Variants in PRKD1 observed in about 807,000 individuals in gnomAD.
PRKD1 encodes serine/threonine-protein kinase D1.
PRKD1 carries 63 observed loss-of-function variants against 95.9 expected under a neutral mutation model. That is an observed-to-expected ratio of 0.66 (90% confidence interval 0.54 to 0.81). PRKD1 has a LOEUF of 0.81. Ranked by LOEUF, PRKD1 falls within the 30% of genes least tolerant of loss-of-function variation. The pLI is 0.00. For missense variants in PRKD1, 1,048 were observed against 1,165.3 expected, an observed-to-expected ratio of 0.90 and a Z score of 1.47; for synonymous variants, 425 against 423.1, an observed-to-expected ratio of 1.00 and a Z score of -0.05.
At chr14:29,857,456 G>T (rs562717923) in intron 1 of PRKD1, among the ~76,000 whole-genome samples, 3 of 152,232 alleles carry the variant, frequency 2.0e-5, no homozygotes, top group Non-Finnish European at 4.4e-5. Flanking sequence ...GAAAGGAATT[G>T]TTGGCCTTCC....
intron 2 of PRKD1, among the ~76,000 whole-genome samples, chr14:29,687,172 T>TA (rs1477732644): frequency 6.6e-6 from 1 of 152,148 alleles, no homozygotes; most frequent in Admixed American, 6.6e-5. Context: ...ACAGAGAACT[T>TA]GCATAGTATT....
chr14:29,578,968 T>C (rs1043748195), intron 16 of PRKD1, among the ~76,000 whole-genome samples: 3 of 152,040 alleles, frequency 2.0e-5, no homozygotes, highest in African/African-American at 7.2e-5. Context: ...AACCAATGTA[T>C]TGGAATTATA....
At chr14:29,874,419 T>G (rs1019210567) in intron 1 of PRKD1, among the ~76,000 whole-genome samples, 1 of 152,148 alleles carries the variant, frequency 6.6e-6, no homozygotes, top group African/African-American at 2.4e-5. Context: ...AGTATGAAGA[T>G]TCCTTCTAAA....
rs571105556 is a variant in PRKD1, at chr14:29,716,332, T to C, written c.403+9204A>G. 1.5e-3 allele frequency among the ~76,000 whole-genome samples: 225 copies of C among 152,300 alleles called. 1 individual carries two copies. The highest frequency in any genetic ancestry group is 4.8e-3 in the African/African-American group (201 of 41,584). Reference sequence around the variant, plus strand: ...CCTTCCATGAAAACCACGGTATGTATTGCTGACAGAGATCTATGGAGATTT... The same window carrying C: ...CCTTCCATGAAAACCACGGTATGTACTGCTGACAGAGATCTATGGAGATTT... On this transcript the variant is annotated intron_variant, in intron 2 of 17. Transcript: ENST00000331968.
intron 1 of PRKD1, among the ~76,000 whole-genome samples, chr14:29,919,234 A>G (rs1467198073): frequency 6.6e-6 from 1 of 152,242 alleles, no homozygotes; most frequent in Non-Finnish European, 1.5e-5. Context: ...AAGCTACTAT[A>G]TCAATTGTCT....
At chr14:29,912,284 C>T (rs570925176) in intron 1 of PRKD1, among the ~76,000 whole-genome samples, 72 of 151,744 alleles carry the variant, frequency 4.7e-4, no homozygotes, top group African/African-American at 1.6e-3. Context: ...TAGCCTACCA[C>T]GAAGTGTTAT....
chr14:29,839,437 C>G (rs934560905), intron 1 of PRKD1, among the ~76,000 whole-genome samples: 4 of 152,166 alleles, frequency 2.6e-5, no homozygotes, highest in Non-Finnish European at 5.9e-5. Flanking sequence ...TCTGTCAAAG[C>G]AAAAGCAGAC....
At chr14:29,798,246 A>G (rs1267451193) in intron 1 of PRKD1, among the ~76,000 whole-genome samples, 4 of 152,198 alleles carry the variant, frequency 2.6e-5, no homozygotes. Context: ...TGACAGCAAT[A>G]TGCAGTTCCA....
intron 7 of PRKD1, among the ~76,000 whole-genome samples, chr14:29,634,763 G>A (rs956348985): frequency 1.3e-5 from 2 of 152,150 alleles, no homozygotes; most frequent in African/African-American, 4.8e-5. Context: ...GCCGGGTGCA[G>A]TGACTCACAT....
chr14:29,852,416 G>T (rs982366897), intron 1 of PRKD1, among the ~76,000 whole-genome samples: 1 of 151,986 alleles, frequency 6.6e-6, no homozygotes, highest in Non-Finnish European at 1.5e-5. Flanking sequence ...TAGAACACTG[G>T]AAATATCTAT....
intron 1 of PRKD1, among the ~76,000 whole-genome samples, chr14:29,777,007 A>G (rs1159155585): frequency 2.0e-5 from 3 of 152,232 alleles, no homozygotes; most frequent in Non-Finnish European, 4.4e-5. Flanking sequence ...CTTAAAGAAA[A>G]GAATTTTCAA....
At chr14:29,919,731 A>C (rs1367465468) in intron 1 of PRKD1, among the ~76,000 whole-genome samples, 1 of 145,662 alleles carries the variant, frequency 6.9e-6, no homozygotes, top group Non-Finnish European at 1.5e-5. Context: ...GGAAGGCCGA[A>C]GCAGGTGGGT....
intron 2 of PRKD1, among the ~76,000 whole-genome samples, chr14:29,706,121 C>G (rs1338783158): frequency 6.6e-6 from 1 of 152,038 alleles, no homozygotes; most frequent in Non-Finnish European, 1.5e-5. Flanking sequence ...TGTCTGTCTA[C>G]TTGATTATAG....
In PRKD1 at chr14:29,715,425, T is replaced by TA. The variant is rs539729393; in HGVS notation, c.403+10110dup. On this transcript the variant is annotated intron_variant, in intron 2 of 17. Coordinates refer to ENST00000331968, the MANE Select transcript of PRKD1 (RefSeq NM_002742.3). The stretch of plus-strand genomic sequence containing the variant: ...GTGACTTAGGGATTGCATTTTAATT[T>TA]ATTTTAATTAATGTACATAGTCGCA... 1.5e-3 allele frequency among the ~76,000 whole-genome samples: 225 copies of TA among 152,244 alleles called. 1 individual carries two copies. The highest frequency in any genetic ancestry group is 4.8e-3 in the African/African-American group (201 of 41,540).
At chr14:29,698,051 T>C (rs1884627465) in intron 2 of PRKD1, among the ~76,000 whole-genome samples, 1 of 152,258 alleles carries the variant, frequency 6.6e-6, no homozygotes, top group African/African-American at 2.4e-5. Flanking sequence ...TTTCAAATTT[T>C]CCCAAACACT....
chr14:29,594,082 T>G (rs1308431896), intron 16 of PRKD1: 1 of 451,116 alleles, frequency 2.2e-6, no homozygotes, highest in Non-Finnish European at 4.4e-6. Context: ...AGCAAATCAC[T>G]TACCAGAGGA....
At chr14:29,881,939 G>A (rs139616701) in intron 1 of PRKD1, among the ~76,000 whole-genome samples, 8 of 152,146 alleles carry the variant, frequency 5.3e-5, no homozygotes, top group South Asian at 2.1e-4. Context: ...CATGGAGCAC[G>A]TCTTACTTAT....
intron 1 of PRKD1, among the ~76,000 whole-genome samples, chr14:29,859,481 G>A (rs939048561): frequency 4.7e-4 from 72 of 151,802 alleles, no homozygotes; most frequent in African/African-American, 1.4e-3. Flanking sequence ...AGTGGCGGGC[G>A]CCTGTGGTCC....
chr14:29,684,530 G>T (rs1471023462), intron 2 of PRKD1, among the ~76,000 whole-genome samples: 1 of 152,168 alleles, frequency 6.6e-6, no homozygotes, highest in Non-Finnish European at 1.5e-5. Flanking sequence ...ATTGTTGTCA[G>T]TGAGTGAAAC....
Sources: gnomAD v4.1 joint callset for allele counts (sites outside exome capture counted in the v4.1 genomes callset) on GRCh38, gnomAD v4.1.1 for gene constraint, MANE v1.5 for transcripts, NCBI Gene and HGNC (gene_info 2026-07-23, HGNC 2026-07-21) for gene names.